DHRSX: variants seen among roughly 807,000 people sequenced by gnomAD.
The protein encoded by DHRSX is polyprenol dehydrogenase.
DHRSX carries 31 observed loss-of-function variants against 34.0 expected under a neutral mutation model. The observed-to-expected ratio is 0.91, with a 90% CI of 0.69 to 1.23. The LOEUF is 1.23. Ranked by LOEUF, DHRSX falls within the 50% of genes most tolerant of loss-of-function variation. The pLI, the probability that DHRSX is intolerant of heterozygous loss-of-function variation, is 0.00. For missense variants in DHRSX, 414 were observed against 428.1 expected, an observed-to-expected ratio of 0.97 and a Z score of 0.29; for synonymous variants, 201 against 183.8, an observed-to-expected ratio of 1.09 and a Z score of -0.76.
At chrX:2,491,999 AG>A (rs1382118503) in intron 1 of DHRSX, among the ~76,000 whole-genome samples, 1 of 152,190 alleles carries the variant, frequency 6.6e-6, no homozygotes, top group African/African-American at 2.4e-5. Context: ...TGTGTCTCCA[AG>A]TGTCCAGTAC....
chrX:2,453,542 T>A (rs5982924), intron 1 of DHRSX, among the ~76,000 whole-genome samples: 1 of 151,120 alleles, frequency 6.6e-6, no homozygotes, highest in African/African-American at 2.4e-5. Flanking sequence ...TGTGGTGGTG[T>A]GCACCTGTAC....
intron 1 of DHRSX, among the ~76,000 whole-genome samples, chrX:2,494,547 C>G (rs1272194834): frequency 6.6e-6 from 1 of 151,694 alleles, no homozygotes; most frequent in Admixed American, 6.6e-5. Flanking sequence ...GTCCGGGTAC[C>G]TGGAACAAAA....
chrX:2,283,003 T>A (rs1234000591), intron 4 of DHRSX, among the ~76,000 whole-genome samples: 7 of 132,998 alleles, frequency 5.3e-5, no homozygotes, highest in African/African-American at 2.0e-4. Flanking sequence ...AGTGAAGAGG[T>A]GGAAAGAGAG....
intron 1 of DHRSX, among the ~76,000 whole-genome samples, chrX:2,430,522 C>T (rs1363473413): frequency 2.6e-5 from 4 of 152,078 alleles, no homozygotes; most frequent in African/African-American, 4.8e-5. Flanking sequence ...GCCAATGACT[C>T]GGCATGACCA....
At chrX:2,243,266 C>A in intron 5 of DHRSX, 36 bp from the exon 6 acceptor site, 1 of 1,584,486 alleles carries the variant, frequency 6.3e-7, no homozygotes, top group South Asian at 1.1e-5. Flanking sequence ...AAGAGGCTGA[C>A]GGCGTTCACG....
intron 5 of DHRSX, among the ~76,000 whole-genome samples, chrX:2,263,120 C>T (rs1289113947): frequency 1.3e-5 from 2 of 152,196 alleles, no homozygotes; most frequent in Non-Finnish European, 2.9e-5. Context: ...CAGTTCTTTC[C>T]GAGTGTGGCA....
chrX:2,458,352 G>A (rs2044341575), intron 1 of DHRSX, among the ~76,000 whole-genome samples: 1 of 152,160 alleles, frequency 6.6e-6, no homozygotes, highest in Non-Finnish European at 1.5e-5. Context: ...CAAAGGAAAG[G>A]AAATCTGCCC....
At chrX:2,487,810 A>G (rs1431893814) in intron 1 of DHRSX, 2 of 151,882 alleles carry the variant, frequency 1.3e-5, no homozygotes, top group Non-Finnish European at 2.9e-5. Flanking sequence ...TTAAAAAAAA[A>G]GGTCTCTCTT....
intron 3 of DHRSX, among the ~76,000 whole-genome samples, chrX:2,322,404 C>T (rs182404561): frequency 0.013 from 1,898 of 151,816 alleles, 53 homozygotes; most frequent in African/African-American, 0.043. Flanking sequence ...CAAAAATTAG[C>T]TGGGCGTGGT....
intron 5 of DHRSX, among the ~76,000 whole-genome samples, chrX:2,243,810 T>G (rs1375214098): frequency 1.8e-4 from 19 of 108,222 alleles, no homozygotes; most frequent in African/African-American, 6.1e-4. Context: ...TTTTTTTTTT[T>G]TTTTTTTTTT....
rs778469233 is a variant in DHRSX, at chrX:2,439,676, G to A, written c.110-14372C>T. Among the ~76,000 whole-genome samples the A allele has an allele frequency of 6.8e-4, 103 of 152,278 alleles. 1 individual carries two copies. The highest frequency in any genetic ancestry group is 2.4e-3 in the African/African-American group (101 of 41,546). On this transcript the variant is annotated intron_variant, in intron 1 of 6. Coordinates refer to ENST00000334651, the MANE Select transcript of DHRSX (RefSeq NM_145177.3). ...ACGGTCCCATCTGCGTGCGGGTGATGAGAGCCAGTGACAGATCATCAGGCA... is the reference window on the plus strand; with the variant it reads ...ACGGTCCCATCTGCGTGCGGGTGATAAGAGCCAGTGACAGATCATCAGGCA...
intron 3 of DHRSX, among the ~76,000 whole-genome samples, chrX:2,401,440 T>A (rs1351907303): frequency 1.3e-5 from 2 of 152,220 alleles, no homozygotes; most frequent in African/African-American, 4.8e-5. Context: ...AAGATGCTGT[T>A]TGTGATTAAA....
At chrX:2,363,448 C>A (rs1301990235) in intron 3 of DHRSX, among the ~76,000 whole-genome samples, 2 of 141,700 alleles carry the variant, frequency 1.4e-5, no homozygotes, top group Non-Finnish European at 3.0e-5. Flanking sequence ...TGGTAACATG[C>A]CTCCATTTTA....
intron 4 of DHRSX, among the ~76,000 whole-genome samples, chrX:2,285,206 T>C (rs771198853): frequency 3.3e-5 from 5 of 152,286 alleles, no homozygotes; most frequent in East Asian, 1.9e-4. Context: ...TATTATTACA[T>C]TGTACTATAT....
chrX:2,377,277 A>G (rs1445584995), intron 3 of DHRSX, among the ~76,000 whole-genome samples: 1 of 151,866 alleles, frequency 6.6e-6, no homozygotes, highest in Non-Finnish European at 1.5e-5. Flanking sequence ...GTAATTCTAC[A>G]ATACAACTCA....
Position 2,243,088 on chromosome X carries a change from C to A in DHRSX, c.739G>T (p.Val247Phe). ...VVDPGVVNTD[V>F]YKHVFWATRL... The stretch of plus-strand genomic sequence containing the variant: ...GTGGCCCAGAACACGTGCTTGTAGA[C>A]GTCCGTGTTGACCACCCCGGGGTCC... Residue 247 changes from valine to phenylalanine, a missense_variant, in exon 6 of 7, where the codon GTC (valine) becomes TTC (phenylalanine). Val to Phe is a conservative substitution (Grantham distance 50). Coordinates refer to ENST00000334651, the MANE Select transcript of DHRSX (RefSeq NM_145177.3). 1 of 1,613,482 alleles carries A rather than the reference C, an allele frequency of 6.2e-7. No individual in the cohort carries two copies.
chrX:2,373,104 G>A (rs765836615), intron 3 of DHRSX, among the ~76,000 whole-genome samples: 11 of 152,274 alleles, frequency 7.2e-5, no homozygotes, highest in African/African-American at 2.2e-4. Context: ...TATCTTCCAC[G>A]GCGGCAGGCA....
intron 3 of DHRSX, among the ~76,000 whole-genome samples, chrX:2,371,604 CTCCTTCTGTTACCAGTCCT>C (rs2043070937): frequency 6.6e-6 from 1 of 151,360 alleles, no homozygotes; most frequent in Non-Finnish European, 1.5e-5. Context: ...AGCAGAGTCC[CTCCTTCTGTTACCAGTCCT>C]TCCTCCTCCC....
At chrX:2,245,962 A>AAAAAAAAC (rs984102185) in intron 5 of DHRSX, among the ~76,000 whole-genome samples, 3 of 100,564 alleles carry the variant, frequency 3.0e-5, no homozygotes, top group Non-Finnish European at 6.7e-5. Context: ...ACTCCATCTC[A>AAAAAAAAC]AAAAAAACAA....
Sources: allele counts gnomAD v4.1 joint callset (sites outside exome capture counted in the v4.1 genomes callset), GRCh38; gene constraint gnomAD v4.1.1; transcripts MANE v1.5; gene names NCBI Gene and HGNC (gene_info 2026-07-23, HGNC 2026-07-21).